LRRFIP1: variants seen among roughly 807,000 people sequenced by gnomAD.
LRRFIP1 encodes the protein LRR binding FLII interacting protein 1.
LRRFIP1 carries 62 observed loss-of-function variants against 104.4 expected under a neutral mutation model. The observed-to-expected ratio is 0.59, with a 90% CI of 0.48 to 0.73. The LOEUF (loss-of-function observed/expected upper bound fraction) is 0.73, where lower values mean the gene tolerates loss of function less well. Among genes scored for constraint, LRRFIP1 ranks in the 30% least tolerant of loss-of-function variants. The pLI is 0.00. For synonymous variants in LRRFIP1, 300 were observed against 299.0 expected (o/e 1.00, Z -0.03); for missense variants, 796 against 824.5 (o/e 0.97, Z 0.42).
chr2:237,728,915 G>T lies in LRRFIP1; in HGVS notation c.444+980G>T, dbSNP rs537701360. On this transcript the variant is annotated intron_variant, in intron 8 of 23. Coordinates refer to ENST00000308482, the MANE Select transcript of LRRFIP1 (RefSeq NM_001137550.2). ...CATTCCTATTTACCTATTTAGCATT[G>T]CATGCACTTTAATTATTTATTTTTT... Among the ~76,000 whole-genome samples the T allele has an allele frequency of 2.0e-5, 3 of 152,076 alleles. No individual in the cohort carries two copies. In the South Asian group the frequency reaches 6.2e-4, roughly 32 times the overall value.
chr2:237,697,107 C>T (rs931076627), intron 1 of LRRFIP1, among the ~76,000 whole-genome samples: 10 of 152,192 alleles, frequency 6.6e-5, no homozygotes, highest in African/African-American at 1.4e-4. Context: ...CTGCAACCTC[C>T]GTTTCCCAGG....
chr2:237,726,219 A>G (rs1319481662), intron 7 of LRRFIP1, among the ~76,000 whole-genome samples: 2 of 152,232 alleles, frequency 1.3e-5, no homozygotes, highest in African/African-American at 4.8e-5. Flanking sequence ...TTAATATGGA[A>G]GGATTTCTAC....
At chr2:237,710,548 A>C (rs2094021826) in intron 2 of LRRFIP1, among the ~76,000 whole-genome samples, 2 of 152,124 alleles carry the variant, frequency 1.3e-5, no homozygotes, top group Non-Finnish European at 2.9e-5. Flanking sequence ...CAGCCTCCCA[A>C]AGTGTTGGGA....
In LRRFIP1 at chr2:237,703,638, G is replaced by A. The variant is rs925278264; in HGVS notation, c.97-4906G>A. Among the ~76,000 whole-genome samples, 2 of 151,894 alleles carry A rather than the reference G, an allele frequency of 1.3e-5. No individual in the cohort carries two copies. Among genetic ancestry groups the A allele is most frequent in the African/African-American group, 2.4e-5 (1 of 41,318 alleles). On this transcript the variant is annotated intron_variant, in intron 1 of 23. Coordinates refer to ENST00000308482, the MANE Select transcript of LRRFIP1 (RefSeq NM_001137550.2). This position sits in a 1 kb window ranked among gnomAD's most constrained non-coding sequence, Gnocchi z 4.3. ...CGGATGCCTTCCCCAGCCCCCCGGG[G>A]TTGGGTCAAGTTCTCCAGAGCAGCC... is the stretch of plus-strand genomic sequence containing the variant.
intron 1 of LRRFIP1, among the ~76,000 whole-genome samples, chr2:237,631,372 G>A (rs778878075): frequency 4.4e-4 from 67 of 152,314 alleles, no homozygotes; most frequent in Middle Eastern, 3.4e-3. Flanking sequence ...AGCCTTTGGA[G>A]GGTGCATTTC....
At chr2:237,660,577 C>T (rs2087718803) in intron 1 of LRRFIP1, among the ~76,000 whole-genome samples, 1 of 152,230 alleles carries the variant, frequency 6.6e-6, no homozygotes, top group Non-Finnish European at 1.5e-5. Context: ...GAAGTTCTAC[C>T]TCTGGGAATT....
At chr2:237,676,431 T>G (rs1294143959) in intron 1 of LRRFIP1, among the ~76,000 whole-genome samples, 1 of 152,196 alleles carries the variant, frequency 6.6e-6, no homozygotes, top group African/African-American at 2.4e-5. Flanking sequence ...CGTGGGGACA[T>G]GACAGCTTTC....
At position 237,735,673 on chromosome 2, in the gene LRRFIP1, C is replaced by T. The variant is rs546930276; in HGVS notation, c.555+340C>T. On this transcript the variant is annotated intron_variant, in intron 10 of 23. Coordinates refer to ENST00000308482, the MANE Select transcript of LRRFIP1 (RefSeq NM_001137550.2). The surrounding 1 kb of genome is among the most constrained non-coding windows in gnomAD (Gnocchi z 4.6). ...ACAACTTGACAGACCACACATCATT[C>T]TCGTCCCTGGATAGTTGAGGAAGAG... The T allele has an allele frequency of 7.8e-6, 2 of 256,022 alleles. No homozygotes were observed. Among genetic ancestry groups the T allele is most frequent in the Non-Finnish European group, 1.5e-5 (2 of 133,170 alleles). 15.9% of individuals were successfully genotyped at this position (256,022 alleles called of 1,614,324 possible).
rs573976969 is a variant in LRRFIP1, at chr2:237,711,516, G to A, written c.184-2743G>A. Among the ~76,000 whole-genome samples the A allele has an allele frequency of 4.1e-4, 63 of 152,326 alleles. No homozygotes were observed. The highest frequency in any genetic ancestry group is 1.2e-3 in the African/African-American group (51 of 41,580). ...CTTTGGCCAACGTCACCTTTTGCAC[G>A]GTCCTCTGTGGATCTGCAGTCTCGG... On this transcript the variant is annotated intron_variant, in intron 2 of 23. Coordinates refer to ENST00000308482, the MANE Select transcript of LRRFIP1 (RefSeq NM_001137550.2). This position sits in a 1 kb window ranked among gnomAD's most constrained non-coding sequence, Gnocchi z 4.4.
intron 1 of LRRFIP1, among the ~76,000 whole-genome samples, chr2:237,683,222 G>C (rs987621107): frequency 2.0e-5 from 3 of 152,360 alleles, no homozygotes; most frequent in African/African-American, 7.2e-5. Flanking sequence ...GAGGGCTTCA[G>C]TGGAATCTCA....
At chr2:237,725,578 C>T (rs1030794023) in intron 7 of LRRFIP1, among the ~76,000 whole-genome samples, 4 of 152,148 alleles carry the variant, frequency 2.6e-5, no homozygotes, top group South Asian at 2.1e-4. Context: ...AGTACTTCTC[C>T]CTATGGAGGT....
intron 1 of LRRFIP1, among the ~76,000 whole-genome samples, chr2:237,634,068 C>T (rs2082759299): frequency 1.3e-5 from 2 of 152,182 alleles, no homozygotes. Context: ...GGCCGTTCCC[C>T]ACACAGTAGG....
chr2:237,710,010 G>A (rs556334101), intron 2 of LRRFIP1, among the ~76,000 whole-genome samples: 1 of 151,878 alleles, frequency 6.6e-6, no homozygotes, highest in East Asian at 1.9e-4. Context: ...GCACCACCAT[G>A]CCTGGCTAAT....
intron 6 of LRRFIP1, among the ~76,000 whole-genome samples, chr2:237,722,331 G>A (rs1026899799): frequency 6.6e-6 from 1 of 152,132 alleles, no homozygotes; most frequent in Non-Finnish European, 1.5e-5. Flanking sequence ...TCAGATGTAA[G>A]ATGTGTGCAC....
chr2:237,751,058 AT>A, intron 13 of LRRFIP1, 141 bp from the exon 14 acceptor site: 1 of 586,918 alleles, frequency 1.7e-6, no homozygotes, highest in South Asian at 2.4e-5. Flanking sequence ...ATTGAAGTTT[AT>A]TTTCCCTTAA....
At chr2:237,702,149 G>A (rs2093570870) in intron 1 of LRRFIP1, among the ~76,000 whole-genome samples, 2 of 152,160 alleles carry the variant, frequency 1.3e-5, no homozygotes. Flanking sequence ...GCTTCCTCGT[G>A]TATTTTTAGA....
In LRRFIP1 at chr2:237,644,508, G is replaced by A. The variant is rs142257436; in HGVS notation, c.96+16768G>A. Among the ~76,000 whole-genome samples the A allele has an allele frequency of 3.0e-3, 453 of 152,326 alleles. 4 individuals are homozygous for A. Among genetic ancestry groups the A allele is most frequent in the African/African-American group, 0.01 (429 of 41,570 alleles). On this transcript the variant is annotated intron_variant, in intron 1 of 23. Coordinates refer to ENST00000308482, the MANE Select transcript of LRRFIP1 (RefSeq NM_001137550.2). The stretch of plus-strand genomic sequence containing the variant: ...CTGAAAACCTTTGGAGGAGAGTTAC[G>A]CTGGTGTTCTTGGGTTAGAGGCGGG...
At chr2:237,643,196 G>A (rs1487324225) in intron 1 of LRRFIP1, among the ~76,000 whole-genome samples, 3 of 152,218 alleles carry the variant, frequency 2.0e-5, no homozygotes, top group Non-Finnish European at 4.4e-5. Flanking sequence ...CAGGGCCGCC[G>A]CGCACTCGCT....
chr2:237,726,643 C>T (rs1195507232), intron 7 of LRRFIP1, among the ~76,000 whole-genome samples: 3 of 152,220 alleles, frequency 2.0e-5, no homozygotes, highest in Non-Finnish European at 4.4e-5. Context: ...CTTAAGGTCA[C>T]ATGACGGAGC....
Sources: allele counts gnomAD v4.1 joint callset (sites outside exome capture counted in the v4.1 genomes callset), GRCh38; gene constraint gnomAD v4.1.1; non-coding constraint Gnocchi (gnomAD v3.1); transcripts MANE v1.5; gene names NCBI Gene and HGNC (gene_info 2026-07-23, HGNC 2026-07-21).